The following TWNK variants were observed in gnomAD, a reference collection of about 807,000 sequenced individuals.
The protein encoded by TWNK is twinkle mtDNA helicase, also known as T7 gp4-like protein with intramitochondrial nucleoid localization.
A neutral mutation model predicts 58.2 loss-of-function variants in TWNK; 36 were observed. The ratio of observed to expected loss-of-function variants is 0.62; its 90% CI spans 0.47 to 0.82. The LOEUF is 0.82. Ranked by LOEUF, TWNK falls within the 40% of genes least tolerant of loss-of-function variation. TWNK has a pLI of 0.00. For synonymous variants in TWNK, 349 were observed against 348.5 expected (o/e 1.00, Z -0.02); for missense variants, 714 against 881.0 (o/e 0.81, Z 2.40).
chr10:100,993,019 A>G (rs1013968433), intron 4 of TWNK, among the ~76,000 whole-genome samples, 171 bp from the exon 5 acceptor site: 24 of 151,858 alleles, frequency 1.6e-4, no homozygotes, highest in Non-Finnish European at 2.8e-4. Flanking sequence ...ATTTCCTGAC[A>G]TCGTGATCCA....
At chr10:100,992,759 A>C (rs973334803) in intron 4 of TWNK, among the ~76,000 whole-genome samples, 3 of 150,818 alleles carry the variant, frequency 2.0e-5, no homozygotes, top group Admixed American at 6.6e-5. Flanking sequence ...CATGGGGGGA[A>C]GTACTTTTCC....
Position 100,988,806 on chromosome 10 carries a change from G to A in TWNK, c.596G>A (p.Arg199Gln), listed in dbSNP as rs1564807938. The A allele has an allele frequency of 2.5e-6, 4 of 1,614,150 alleles. No homozygotes were observed. Among genetic ancestry groups the A allele is most frequent in the Non-Finnish European group, 3.4e-6 (4 of 1,180,012 alleles). The change falls in exon 1 of 5, where the codon CGA becomes CAA. Residue 199 changes from arginine (R) to glutamine (Q), a missense_variant. By Grantham distance (43) the Arg-to-Gln change is conservative. Around this residue, in one of 3 missense-constraint regions of TWNK, gnomAD observed 348 missense variants for 388.4 expected, o/e 0.90. Transcript: ENST00000311916. This position sits in a 1 kb window ranked among gnomAD's most constrained non-coding sequence, Gnocchi z 5.2. ...AAGCGTTTCAGTGTGCGATATCTGC[G>A]ACCTGCTCGCAGTCTTGTCTTCCCT... ...TLKRFSVRYL[R>Q]PARSLVFPWF...
In TWNK at chr10:100,988,326, G is replaced by A. The variant is rs1057523065; in HGVS notation, c.116G>A (p.Arg39His). Residue 39 changes from arginine to histidine, a missense_variant, in exon 1 of 5, where the codon CGT becomes CAT. Physicochemically the swap from Arg to His is conservative, Grantham distance 29. Coordinates refer to ENST00000311916, the MANE Select transcript of TWNK (RefSeq NM_021830.5). This position sits in a 1 kb window ranked among gnomAD's most constrained non-coding sequence, Gnocchi z 5.2. ...RNLAPGPPRR[R>H]YRKETLQALD... ...TTGGCCCCAGGCCCTCCTCGCAGAC[G>A]TTACAGGAAGGAGACTCTCCAAGCC... 6.2e-7 allele frequency: 1 copy of A among 1,614,252 alleles called. No homozygotes were observed. Among genetic ancestry groups the A allele is most frequent in the East Asian group, 2.2e-5 (1 of 44,890 alleles).
Position 100,989,481 on chromosome 10 carries a change from A to T in TWNK, c.1243+28A>T. 6.2e-7 allele frequency: 1 copy of T among 1,612,510 alleles called. No homozygotes were observed. The highest frequency in any genetic ancestry group is 8.5e-7 in the Non-Finnish European group (1 of 1,179,908). The stretch of plus-strand genomic sequence containing the variant: ...AACCCTTTGAGAAATCACTACTTAG[A>T]GTAAAGGGGCAGAAGATCAGGTGAC... On this transcript the variant is annotated intron_variant, in intron 1 of 4. Coordinates refer to ENST00000311916, the MANE Select transcript of TWNK (RefSeq NM_021830.5). The surrounding 1 kb of genome is among the most constrained non-coding windows in gnomAD (Gnocchi z 7.6).
Position 100,990,891 on chromosome 10 carries a change from A to G in TWNK, c.1615A>G (p.Ile539Val), listed in dbSNP as rs200192223. 2.5e-6 allele frequency: 4 copies of G among 1,614,138 alleles called. No individual in the cohort carries two copies. In the African/African-American group the frequency reaches 4.0e-5, roughly 16 times the overall value. Residue 539 changes from isoleucine (I) to valine (V), a missense_variant, in exon 4 of 5, where the codon ATC (isoleucine) becomes GTC (valine). Coordinates refer to ENST00000311916, the MANE Select transcript of TWNK (RefSeq NM_021830.5). Reference protein sequence around the residue: ...TDRIAAQDYIIGVFRKFATDN... With the variant: ...TDRIAAQDYIVGVFRKFATDN... ...TAGGATCGCAGCTCAAGACTACATCATCGGGGTCTTTCGGAAGTTTGCAAC... is the reference window on the plus strand; with the variant it reads ...TAGGATCGCAGCTCAAGACTACATCGTCGGGGTCTTTCGGAAGTTTGCAAC...
intron 4 of TWNK, among the ~76,000 whole-genome samples, chr10:100,992,389 AT>A (rs1765067279): frequency 6.7e-6 from 1 of 149,544 alleles, no homozygotes; most frequent in South Asian, 2.1e-4. Context: ...AATTTTTTGT[AT>A]TTTTTTAGTA....
intron 2 of TWNK, 92 bp from the exon 3 acceptor site, chr10:100,990,344 G>C (rs1472198163): frequency 1.1e-6 from 1 of 894,370 alleles, no homozygotes; most frequent in African/African-American, 1.6e-5. Flanking sequence ...AAGGGCAGAG[G>C]AGGCAGCCAA....
At position 100,993,593 on chromosome 10, in the gene TWNK, GGT is replaced by G. The variant is rs1851847058; in HGVS notation, c.*84_*85del. 1.4e-6 allele frequency: 2 copies of G among 1,470,768 alleles called. No individual in the cohort carries two copies. Among genetic ancestry groups the G allele is most frequent in the African/African-American group, 1.4e-5 (1 of 71,672 alleles). The allele number at this position is 1,470,768 out of a possible 1,614,324, so 91.1% of individuals were successfully genotyped here. A position where few individuals can be genotyped will look rare whatever the true frequency, so the allele number is the denominator to read the frequency against. On this transcript the variant is annotated 3_prime_UTR_variant, in exon 5 of 5. Transcript: ENST00000311916. The stretch of plus-strand genomic sequence containing the variant: ...CTCTGCAAGGGCTCCTCTATCCTGT[GGT>G]CCTGAGCTGTGTGCCCTTCTCAGTC...
chr10:100,992,034 A>G (rs12415911), intron 4 of TWNK, among the ~76,000 whole-genome samples: 1 of 143,220 alleles, frequency 7.0e-6, no homozygotes, highest in Non-Finnish European at 1.5e-5. Flanking sequence ...ATATATATAT[A>G]ATATATATAT....
Position 100,993,471 on chromosome 10 carries a change from C to T in TWNK, c.2016C>T (p.Pro672=). Residue 672 remains proline, a synonymous_variant, in exon 5 of 5, where the codon CCC becomes CCT. Coordinates refer to ENST00000311916, the MANE Select transcript of TWNK (RefSeq NM_021830.5). ...CTGAGATTTGCTCAGGCCAGGCCCCCACTCCCGACCAGCCAGACACCTCCA... is the reference window on the plus strand; with the variant it reads ...CTGAGATTTGCTCAGGCCAGGCCCCTACTCCCGACCAGCCAGACACCTCCA... ...QNSEICSGQA[P]TPDQPDTSKR... The T allele has an allele frequency of 1.2e-6, 2 of 1,614,180 alleles. No individual in the cohort carries two copies. Among genetic ancestry groups the T allele is most frequent in the Non-Finnish European group, 1.7e-6 (2 of 1,180,042 alleles).
At position 100,989,213 on chromosome 10, in the gene TWNK, C is replaced by T; in HGVS notation, c.1003C>T (p.Pro335Ser). The T allele has an allele frequency of 6.2e-7, 1 of 1,614,182 alleles. No homozygotes were observed. The highest frequency in any genetic ancestry group is 8.5e-7 in the Non-Finnish European group (1 of 1,180,036). Reference sequence around the variant, plus strand: ...CCCCAAACGATGCTTCTTGGTGCGACCAGGAGACCAGCAACCCCGTCCCCT... The same window carrying T: ...CCCCAAACGATGCTTCTTGGTGCGATCAGGAGACCAGCAACCCCGTCCCCT... ...LNPKRCFLVR[P>S]GDQQPRPLEA... Residue 335 changes from proline to serine, a missense_variant, in exon 1 of 5, where the codon CCA (proline) becomes TCA (serine). Transcript: ENST00000311916. The surrounding 1 kb of genome is among the most constrained non-coding windows in gnomAD (Gnocchi z 7.6).
At chr10:100,992,156 T>A (rs769103661) in intron 4 of TWNK, among the ~76,000 whole-genome samples, 5 of 144,374 alleles carry the variant, frequency 3.5e-5, no homozygotes, top group Non-Finnish European at 7.6e-5. Context: ...TGAGCCGTGC[T>A]CACACCACTG....
chr10:100,992,564 C>T (rs1851812341), intron 4 of TWNK, among the ~76,000 whole-genome samples: 2 of 148,582 alleles, frequency 1.3e-5, no homozygotes, highest in Non-Finnish European at 1.5e-5. Context: ...GAATGGTCTC[C>T]TTCATGAGAT....
Position 100,989,872 on chromosome 10 carries a change from A to G in TWNK, c.1472A>G (p.Gln491Arg). Residue 491 changes from glutamine to arginine, a missense_variant, in exon 2 of 5, where the codon CAG becomes CGG. This residue lies in a region of TWNK where 302 missense variants were observed against 438.6 expected (regional missense o/e 0.69). Transcript: ENST00000311916. This position sits in a 1 kb window ranked among gnomAD's most constrained non-coding sequence, Gnocchi z 7.6. ...LPLYFMTFHG[Q>R]QSIRTVIDTM... ...CTCTATTTCATGACTTTCCATGGAC[A>G]GCAAAGCATCAGGTGAGACTCCCAG... 1 of 1,614,228 alleles carries G rather than the reference A, an allele frequency of 6.2e-7. No individual in the cohort carries two copies. Among genetic ancestry groups the G allele is most frequent in the Non-Finnish European group, 8.5e-7 (1 of 1,180,042 alleles).
chr10:100,993,068 G>A (rs1038969627), intron 4 of TWNK, 122 bp from the exon 5 acceptor site: 8 of 1,043,774 alleles, frequency 7.7e-6, no homozygotes, highest in African/African-American at 6.3e-5. Context: ...TTACAGGCGT[G>A]AGCCATTGTA....
At chr10:100,991,698 G>C (rs551205629) in intron 4 of TWNK, among the ~76,000 whole-genome samples, 1 of 152,152 alleles carries the variant, frequency 6.6e-6, no homozygotes, top group South Asian at 2.1e-4. Flanking sequence ...GCAATGTAGT[G>C]AGACCCTGTC....
chr10:100,992,908 T>C (rs1178713475), intron 4 of TWNK, among the ~76,000 whole-genome samples: 1 of 152,112 alleles, frequency 6.6e-6, no homozygotes, highest in Non-Finnish European at 1.5e-5. Flanking sequence ...TGCCTCAGCC[T>C]CCCAAGAAGC....
At chr10:100,990,588 A>G (rs201226725) in intron 3 of TWNK, 45 bp downstream of exon 3, 1 of 1,613,238 alleles carries the variant, frequency 6.2e-7, no homozygotes, top group Non-Finnish European at 8.5e-7. Context: ...CCGCTTGGAC[A>G]TACAACACAC....
At position 100,993,861 on chromosome 10, in the gene TWNK, T is replaced by C; in HGVS notation, c.*351T>C. 1 of 332,884 alleles carries C rather than the reference T, an allele frequency of 3.0e-6. No individual in the cohort carries two copies. Among genetic ancestry groups the C allele is most frequent in the South Asian group, 2.9e-5 (1 of 34,450 alleles). 20.6% of individuals were successfully genotyped at this position (332,884 alleles called of 1,614,324 possible). A position where few individuals can be genotyped will look rare whatever the true frequency, so the allele number is the denominator to read the frequency against. On this transcript the variant is annotated 3_prime_UTR_variant, in exon 5 of 5. Transcript: ENST00000311916. ...AGAAAATAGAAATGCGATAGAGTGC[T>C]GGCAGGCTAGTGTAGATAAGTGGTC...
Sources: gnomAD v4.1 joint callset for allele counts (sites outside exome capture counted in the v4.1 genomes callset) on GRCh38, gnomAD v4.1.1 for gene constraint, gnomAD v4.1.1 regional missense constraint, Gnocchi (gnomAD v3.1) non-coding constraint, MANE v1.5 for transcripts, NCBI Gene and HGNC (gene_info 2026-07-23, HGNC 2026-07-21) for gene names.